SLC14A2: variants seen among roughly 807,000 people sequenced by gnomAD.
SLC14A2 encodes urea transporter 2.
Under a neutral mutation model 104.6 loss-of-function variants are expected in SLC14A2, and 91 were observed. The ratio of observed to expected loss-of-function variants is 0.87; its 90% confidence interval spans 0.73 to 1.04. SLC14A2 has a LOEUF of 1.04. Ranked by LOEUF, SLC14A2 falls within the 50% of genes least tolerant of loss-of-function variation. The pLI is 0.00. For missense variants in SLC14A2, 1,189 were observed against 1,156.0 expected (o/e 1.03, Z -0.41); for synonymous variants, 476 against 466.4 (o/e 1.02, Z -0.27).
At chr18:45,415,516 T>C (rs1433911597) in intron 1 of SLC14A2, among the ~76,000 whole-genome samples, 1 of 152,190 alleles carries the variant, frequency 6.6e-6, no homozygotes, top group Non-Finnish European at 1.5e-5. Flanking sequence ...TTCTCTGTCA[T>C]TCTTGATGAC....
At chr18:45,627,504 AAGAC>A (rs1344211554) in intron 4 of SLC14A2, among the ~76,000 whole-genome samples, 1 of 152,208 alleles carries the variant, frequency 6.6e-6, no homozygotes, top group Admixed American at 6.5e-5. Flanking sequence ...GAGTTCAGAG[AAGAC>A]AGACATTACC....
At chr18:45,621,699 C>T (rs1268385514) in intron 1 of SLC14A2, among the ~76,000 whole-genome samples, 3 of 152,216 alleles carry the variant, frequency 2.0e-5, no homozygotes, top group African/African-American at 7.2e-5. Flanking sequence ...CCACCGTCCT[C>T]ATGAAACCTA....
At chr18:45,533,283 C>T (rs1230342140) in intron 2 of SLC14A2, among the ~76,000 whole-genome samples, 3 of 152,152 alleles carry the variant, frequency 2.0e-5, no homozygotes, top group Non-Finnish European at 2.9e-5. Context: ...GTACCAGCTC[C>T]TCCTTGTACC....
chr18:45,381,257 C>T (rs2085831574), intron 1 of SLC14A2, among the ~76,000 whole-genome samples: 1 of 152,196 alleles, frequency 6.6e-6, no homozygotes, highest in Admixed American at 6.5e-5. Flanking sequence ...TCACACAATG[C>T]AGTCTGATAG....
intron 2 of SLC14A2, among the ~76,000 whole-genome samples, chr18:45,584,927 T>C (rs1003505756): frequency 6.6e-6 from 1 of 152,214 alleles, no homozygotes; most frequent in African/African-American, 2.4e-5. Flanking sequence ...GGAATATGAA[T>C]AGGAAAACAT....
chr18:45,616,622 T>C (rs745556762), intron 1 of SLC14A2, among the ~76,000 whole-genome samples: 10 of 152,084 alleles, frequency 6.6e-5, no homozygotes, highest in Non-Finnish European at 1.2e-4. Context: ...GTGACCTGCG[T>C]TGGGGAGGGC....
chr18:45,561,178 G>C (rs545252461), intron 2 of SLC14A2, among the ~76,000 whole-genome samples: 63 of 152,228 alleles, frequency 4.1e-4, no homozygotes, highest in African/African-American at 1.5e-3. Flanking sequence ...AGAGTCTTAT[G>C]GTTGAGTATG....
intron 2 of SLC14A2, among the ~76,000 whole-genome samples, chr18:45,515,807 C>T (rs1350651302): frequency 6.6e-6 from 1 of 152,220 alleles, no homozygotes; most frequent in East Asian, 1.9e-4. Flanking sequence ...CCATGCATCA[C>T]AAGAAACAGA....
In SLC14A2 at chr18:45,236,580, T is replaced by C. The variant is rs79625566; in HGVS notation, c.-125+23389T>C. ...ATATGTGTATATATGTATATATACATATATATATGGGAAAAAGTATATATT... is the reference window on the plus strand; with the variant it reads ...ATATGTGTATATATGTATATATACACATATATATGGGAAAAAGTATATATT... On this transcript the variant is annotated intron_variant, in intron 1 of 20. Coordinates refer to the SLC14A2 transcript ENST00000586448. Among the ~76,000 whole-genome samples the C allele has an allele frequency of 2.0e-3, 225 of 112,158 alleles. 33 individuals carry two copies. Among genetic ancestry groups the C allele is most frequent in the South Asian group, 5.0e-3 (20 of 3,982 alleles). 73.6% of individuals were successfully genotyped at this position (112,158 alleles called of 152,430 possible).
rs138072510 is a variant in SLC14A2 at position 45,421,666 on chromosome 18, G to A, written c.-124-61567G>A. 9.8e-3 allele frequency among the ~76,000 whole-genome samples: 1,499 copies of A among 152,284 alleles called. 16 individuals are homozygous for A. The highest frequency in any genetic ancestry group is 0.024 in the African/African-American group (999 of 41,556). ...TCTCAAAAGTCAAATCTGTGCAAAT[G>A]AATGCACTGGCCATGCAGCTGACCA... is the stretch of plus-strand genomic sequence containing the variant. On this transcript the variant is annotated intron_variant, in intron 1 of 20. Transcript: ENST00000586448.
intron 1 of SLC14A2, among the ~76,000 whole-genome samples, chr18:45,295,721 G>A (rs66627362): frequency 0.14 from 20,620 of 152,074 alleles, 1,660 homozygotes; most frequent in African/African-American, 0.22. Flanking sequence ...ACTGATTTCT[G>A]CACCACCAAT....
upstream of SLC14A2, among the ~76,000 whole-genome samples, chr18:45,209,180 C>CA (rs71372700): frequency 0.16 from 13,212 of 83,834 alleles, 1,108 homozygotes; most frequent in African/African-American, 0.29. Flanking sequence ...ATTAAAAATA[C>CA]AAAAAAAAAA....
At chr18:45,202,481 C>T in the SLC14A2 span, among the ~76,000 whole-genome samples, 4 of 152,206 alleles carry the variant, frequency 2.6e-5, no homozygotes, top group East Asian at 3.9e-4. Context: ...ATATGCAAGT[C>T]GTTCTGCTCA....
chr18:45,673,895 G>A (rs2046183656), intron 18 of SLC14A2, 78 bp downstream of exon 18: 1 of 1,419,798 alleles, frequency 7.0e-7, no homozygotes, highest in Non-Finnish European at 9.8e-7. Context: ...GTTTTTTAAT[G>A]GTTATTTAGT....
At chr18:45,475,656 T>TATATTTAGG (rs2087357658) in intron 1 of SLC14A2, among the ~76,000 whole-genome samples, 5 of 65,740 alleles carry the variant, frequency 7.6e-5, no homozygotes, top group South Asian at 1.3e-3. Context: ...TATATATATA[T>TATATTTAGG]ATATATATAT....
chr18:45,188,501 C>T, the SLC14A2 span, among the ~76,000 whole-genome samples: 1 of 152,288 alleles, frequency 6.6e-6, no homozygotes, highest in East Asian at 1.9e-4. Flanking sequence ...TCCTAGAATT[C>T]CCTACCCTTA....
intron 2 of SLC14A2, among the ~76,000 whole-genome samples, chr18:45,597,691 C>G: frequency 6.6e-6 from 1 of 152,110 alleles, no homozygotes; most frequent in African/African-American, 2.4e-5. Flanking sequence ...AGGGACTCTG[C>G]TACATATTCA....
At chr18:45,523,795 T>C (rs868283388) in intron 2 of SLC14A2, among the ~76,000 whole-genome samples, 44 of 152,290 alleles carry the variant, frequency 2.9e-4, no homozygotes, top group African/African-American at 1.0e-3. Flanking sequence ...GGGCACTATT[T>C]CACTTTTCCC....
chr18:45,277,609 A>G (rs1568131863), intron 1 of SLC14A2, among the ~76,000 whole-genome samples: 2 of 152,106 alleles, frequency 1.3e-5, no homozygotes, highest in Admixed American at 6.5e-5. Flanking sequence ...GGGTCTTGCC[A>G]TGTTGCTCAG....
Sources: gnomAD v4.1 joint callset for allele counts (sites outside exome capture counted in the v4.1 genomes callset) on GRCh38, gnomAD v4.1.1 for gene constraint, MANE v1.5 for transcripts, NCBI Gene and HGNC (gene_info 2026-07-23, HGNC 2026-07-21) for gene names.